The following MACF1 variants were observed in gnomAD, a reference collection of about 807,000 sequenced individuals.
The protein encoded by MACF1 is microtubule-actin cross-linking factor 1.
In MACF1, 193 loss-of-function variants were observed where a neutral mutation model predicts 854.8. That is an observed-to-expected ratio of 0.23 (90% CI 0.20 to 0.25). The LOEUF is 0.25. Among genes scored for constraint, MACF1 ranks in the 10% least tolerant of loss-of-function variants. The pLI, the probability that MACF1 is intolerant of heterozygous loss-of-function variation, is 1.00. For synonymous variants in MACF1, 3,185 were observed against 3,226.7 expected (o/e 0.99, Z 0.44); for missense variants, 7,722 against 8,929.1 (o/e 0.86, Z 5.45).
chr1:39,296,849 A>G (rs1334535227), intron 20 of MACF1, among the ~76,000 whole-genome samples: 11 of 142,226 alleles, frequency 7.7e-5, no homozygotes, highest in Middle Eastern at 3.5e-3. Context: ...GAAGGAAAAG[A>G]AAGAAAGAGA....
chr1:39,257,321 G>A (rs868414294), intron 5 of MACF1, among the ~76,000 whole-genome samples: 1 of 121,402 alleles, frequency 8.2e-6, no homozygotes, highest in South Asian at 2.7e-4. Flanking sequence ...CTTTTTTTTT[G>A]AGACGGAGTC....
chr1:39,129,936 G>A (rs762877085), intron 2 of MACF1, among the ~76,000 whole-genome samples: 1 of 152,204 alleles, frequency 6.6e-6, no homozygotes, highest in Admixed American at 6.5e-5. Flanking sequence ...AGGAAATGGA[G>A]TTTGATGGTT....
Position 39,444,802 on chromosome 1 carries a change from G to T in MACF1, c.19572G>T (p.Trp6524Cys), listed in dbSNP as rs761808045. 1.2e-6 allele frequency: 2 copies of T among 1,613,070 alleles called. No homozygotes were observed. The highest frequency in any genetic ancestry group is 2.2e-5 in the East Asian group (1 of 44,852). ...GTGTAGCACTTTTGGAGCAGAAGTG[G>T]CATGTGGTCAGCAGTAAGATGGAAG... ...EQSVALLEQKWHVVSSKMEER... is the reference protein window; with the variant it reads ...EQSVALLEQKCHVVSSKMEER... Residue 6524 changes from tryptophan to cysteine, a missense_variant, in exon 80 of 101, where the codon TGG becomes TGT. Physicochemically the swap from Trp to Cys is radical, Grantham distance 215 (BLOSUM62 -2). Around this residue, in one of 15 missense-constraint regions of MACF1, gnomAD observed 729 missense variants for 900.5 expected, o/e 0.81. Transcript: ENST00000564288.
At chr1:39,098,194 G>A (rs1315618695) in intron 2 of MACF1, among the ~76,000 whole-genome samples, 1 of 152,236 alleles carries the variant, frequency 6.6e-6, no homozygotes, top group African/African-American at 2.4e-5. Context: ...AGACAGCAGA[G>A]GGGCCAATAC....
chr1:39,410,363 T>A, intron 58 of MACF1: 1 of 1,614,006 alleles, frequency 6.2e-7, no homozygotes, highest in Non-Finnish European at 8.5e-7. Context: ...GACTGCTATG[T>A]TCCACAACGG....
At chr1:39,372,209 G>A (rs918704688) in intron 51 of MACF1, among the ~76,000 whole-genome samples, 9 of 152,130 alleles carry the variant, frequency 5.9e-5, no homozygotes, top group African/African-American at 7.2e-5. Context: ...CCATAATACT[G>A]TAATAGCATT....
At chr1:39,202,321 C>T (rs1263290256), upstream of MACF1, among the ~76,000 whole-genome samples, 1 of 150,262 alleles carries the variant, frequency 6.7e-6, no homozygotes, top group Non-Finnish European at 1.5e-5. Context: ...CTCTGACCAT[C>T]CTATATATAA....
At chr1:39,410,239 T>C (rs747657052) in intron 58 of MACF1, 6 of 1,513,280 alleles carry the variant, frequency 4.0e-6, no homozygotes, top group Non-Finnish European at 5.4e-6. Context: ...TTTTGAAAGA[T>C]TGATGGTTCA....
chr1:39,469,593 G>C lies in MACF1; in HGVS notation c.21936G>C (p.Ser7312=). 6.4e-7 allele frequency: 1 copy of C among 1,550,490 alleles called. No individual in the cohort carries two copies. The change falls in exon 97 of 101, where the codon TCG becomes TCC. Residue 7312 remains serine, a synonymous_variant. Coordinates refer to ENST00000564288, the MANE Select transcript of MACF1 (RefSeq NM_001394062.1). ...TAAAGCGCTCTGATTCCAGCTCTTCGATTTCCAGTCAGTCTCCCATAGGTT... is the reference window on the plus strand; with the variant it reads ...TAAAGCGCTCTGATTCCAGCTCTTCCATTTCCAGTCAGTCTCCCATAGGTT... ...SKIKRSDSSS[S]ISSQSPIARG... is the part of the protein sequence containing the mutation.
intron 2 of MACF1, among the ~76,000 whole-genome samples, chr1:39,232,871 C>G (rs1003739189): frequency 2.0e-5 from 3 of 151,968 alleles, no homozygotes; most frequent in African/African-American, 7.3e-5. Context: ...CAGCCCTAAC[C>G]TCCTGGGCTT....
At chr1:39,131,523 C>CT (rs1442837831) in intron 2 of MACF1, among the ~76,000 whole-genome samples, 1 of 151,942 alleles carries the variant, frequency 6.6e-6, no homozygotes, top group South Asian at 2.1e-4. Context: ...AGTTATTTGC[C>CT]TTTTTTTCCC....
At position 39,231,258 on chromosome 1, in the gene MACF1, T is replaced by C; in HGVS notation, c.171+15T>C. On this transcript the variant is annotated intron_variant, in intron 2 of 100. Coordinates refer to ENST00000564288, the MANE Select transcript of MACF1 (RefSeq NM_001394062.1). ...ACTTAATGAAGGTAGGACCCTTTCA[T>C]ATATATGCTGCCCCAGCACCTCTCA... The C allele has an allele frequency of 1.2e-6, 2 of 1,612,222 alleles. No individual in the cohort carries two copies. The highest frequency in any genetic ancestry group is 4.5e-5 in the East Asian group (2 of 44,876).
chr1:39,199,227 C>T (rs1024399935), intron 2 of MACF1, among the ~76,000 whole-genome samples: 1 of 151,818 alleles, frequency 6.6e-6, no homozygotes, highest in Admixed American at 6.6e-5. Context: ...CCTCATGATC[C>T]GCCCGCCTCG....
chr1:39,344,777 C>T lies in MACF1; in HGVS notation c.10582-2200C>T, dbSNP rs187087625. ...AACTCTGCCACTTTGCCTCTTAGTG[C>T]GCATGCTTGAGCCCACTCGCCCAGC... On this transcript the variant is annotated intron_variant, in intron 40 of 100. Transcript: ENST00000564288. 3.9e-5 allele frequency among the ~76,000 whole-genome samples: 6 copies of T among 152,270 alleles called. No individual in the cohort carries two copies. In the East Asian group the frequency reaches 1.2e-3, roughly 29 times the overall value.
At chr1:39,309,315 C>T (rs1646252598) in intron 23 of MACF1, among the ~76,000 whole-genome samples, 2 of 150,374 alleles carry the variant, frequency 1.3e-5, no homozygotes, top group South Asian at 2.1e-4. Flanking sequence ...CCAGGCTGCT[C>T]TTGAACTCTT....
At chr1:39,349,116 G>T (rs1246615503) in intron 41 of MACF1, among the ~76,000 whole-genome samples, 1 of 152,140 alleles carries the variant, frequency 6.6e-6, no homozygotes, top group African/African-American at 2.4e-5. Context: ...TGGAGGGATT[G>T]ATCAGAACCA....
At chr1:39,325,571 G>A (rs1184915786) in intron 35 of MACF1, among the ~76,000 whole-genome samples, 1 of 152,184 alleles carries the variant, frequency 6.6e-6, no homozygotes, top group Admixed American at 6.5e-5. Context: ...TTTCGAGTAA[G>A]TCTCAAGGAC....
rs1644602243 is a variant in MACF1 at position 39,463,597 on chromosome 1, G to A, written c.21679-15G>A. On this transcript the variant is annotated splice_polypyrimidine_tract_variant and intron_variant, in intron 93 of 100. Transcript: ENST00000564288. ...CTCTACCCTTTACACTTTCCTTTTTGTTCACACCCAATAGGTTACAAGACA... is the reference window on the plus strand; with the variant it reads ...CTCTACCCTTTACACTTTCCTTTTTATTCACACCCAATAGGTTACAAGACA... The A allele has an allele frequency of 6.2e-7, 1 of 1,606,740 alleles. No individual in the cohort carries two copies. The highest frequency in any genetic ancestry group is 1.3e-5 in the African/African-American group (1 of 74,744).
intron 2 of MACF1, among the ~76,000 whole-genome samples, chr1:39,139,636 T>C (rs191823267): frequency 1.3e-5 from 2 of 152,326 alleles, no homozygotes; most frequent in African/African-American, 4.8e-5. Flanking sequence ...TGCATTTTCC[T>C]TTAATTTCTA....
Sources: allele counts gnomAD v4.1 joint callset (sites outside exome capture counted in the v4.1 genomes callset), GRCh38; gene constraint gnomAD v4.1.1; regional missense constraint gnomAD v4.1.1; transcripts MANE v1.5; gene names NCBI Gene and HGNC (gene_info 2026-07-23, HGNC 2026-07-21).